CSMD1: variants seen among roughly 807,000 people sequenced by gnomAD.
The protein encoded by CSMD1 is CUB and Sushi multiple domains 1.
A neutral mutation model predicts 417.5 loss-of-function variants in CSMD1; 213 were observed. The observed-to-expected ratio is 0.51, with a 90% confidence interval of 0.46 to 0.57. The LOEUF (loss-of-function observed/expected upper bound fraction) is 0.57, where lower values mean the gene tolerates loss of function less well. Among genes scored for constraint, CSMD1 ranks in the 20% least tolerant of loss-of-function variants. The pLI, the probability that CSMD1 is intolerant of heterozygous loss-of-function variation, is 0.00. For synonymous variants in CSMD1, 2,862 were observed against 1,736.8 expected (o/e 1.65, Z -16.11); for missense variants, 6,923 against 4,529.7 (o/e 1.53, Z -15.17).
intron 5 of CSMD1, among the ~76,000 whole-genome samples, chr8:3,852,322 C>T (rs1471937723): frequency 2.6e-5 from 4 of 151,972 alleles, no homozygotes; most frequent in Non-Finnish European, 5.9e-5. Context: ...TTGTAGGGAG[C>T]AAGGGAGAAT....
At chr8:4,874,631 T>A (rs987399963) in intron 1 of CSMD1, among the ~76,000 whole-genome samples, 1 of 151,866 alleles carries the variant, frequency 6.6e-6, no homozygotes, top group Non-Finnish European at 1.5e-5. Flanking sequence ...CCTCAGGTGA[T>A]CTACCCACCT....
At chr8:4,894,478 G>T (rs1473581459) in intron 1 of CSMD1, among the ~76,000 whole-genome samples, 2 of 151,184 alleles carry the variant, frequency 1.3e-5, no homozygotes, top group Non-Finnish European at 1.5e-5. Flanking sequence ...ACTTGAACCC[G>T]GGAGGCAGAG....
At chr8:3,461,795 C>A (rs537468598) in intron 12 of CSMD1, among the ~76,000 whole-genome samples, 3 of 152,300 alleles carry the variant, frequency 2.0e-5, no homozygotes, top group South Asian at 4.1e-4. Context: ...GACTCTCTTA[C>A]GTGTGATAGA....
intron 2 of CSMD1, among the ~76,000 whole-genome samples, chr8:4,503,515 C>A (rs1802365887): frequency 6.6e-6 from 1 of 152,152 alleles, no homozygotes; most frequent in Admixed American, 6.6e-5. Flanking sequence ...CAAGCACTCA[C>A]ACCTGAGACA....
chr8:4,228,038 C>T (rs1209924646), intron 3 of CSMD1, among the ~76,000 whole-genome samples: 2 of 152,064 alleles, frequency 1.3e-5, no homozygotes, highest in Non-Finnish European at 2.9e-5. Context: ...CATTAAATCC[C>T]ACACCAGGAA....
At chr8:4,283,313 T>C (rs1425076228) in intron 3 of CSMD1, among the ~76,000 whole-genome samples, 1 of 152,342 alleles carries the variant, frequency 6.6e-6, no homozygotes, top group South Asian at 2.1e-4. Flanking sequence ...TATTGATTTG[T>C]AGCTTCAGTT....
chr8:3,740,373 A>C (rs1796735234), intron 6 of CSMD1, among the ~76,000 whole-genome samples: 1 of 152,182 alleles, frequency 6.6e-6, no homozygotes, highest in African/African-American at 2.4e-5. Context: ...GGGCAGCACA[A>C]ATTTAAAGAA....
chr8:3,674,553 CTATG>C (rs1199540707), intron 7 of CSMD1, among the ~76,000 whole-genome samples: 1 of 151,898 alleles, frequency 6.6e-6, no homozygotes, highest in Non-Finnish European at 1.5e-5. Flanking sequence ...TAAATGCTTA[CTATG>C]TATCATGTAC....
chr8:3,035,843 T>C (rs1476450513), intron 50 of CSMD1, among the ~76,000 whole-genome samples: 1 of 152,244 alleles, frequency 6.6e-6, no homozygotes, highest in Non-Finnish European at 1.5e-5. Flanking sequence ...TCTTCTTTTT[T>C]ATTTTTAAGG....
intron 5 of CSMD1, among the ~76,000 whole-genome samples, chr8:3,946,318 C>T (rs1020168263): frequency 6.6e-6 from 1 of 152,058 alleles, no homozygotes; most frequent in African/African-American, 2.4e-5. Flanking sequence ...CTCTTCTTTA[C>T]GGAATTACCT....
intron 36 of CSMD1, among the ~76,000 whole-genome samples, chr8:3,183,590 T>A (rs533733596): frequency 6.9e-6 from 1 of 145,448 alleles, no homozygotes; most frequent in Non-Finnish European, 1.5e-5. Context: ...TATCTATCCC[T>A]GAAATATCGA....
chr8:4,800,943 T>C (rs972747980), intron 1 of CSMD1, among the ~76,000 whole-genome samples: 2 of 152,252 alleles, frequency 1.3e-5, no homozygotes, highest in African/African-American at 4.8e-5. Context: ...CTCCTGATTG[T>C]TATTTTTTAA....
chr8:3,595,622 AG>A (rs1216653663), intron 8 of CSMD1, among the ~76,000 whole-genome samples: 1 of 152,196 alleles, frequency 6.6e-6, no homozygotes, highest in African/African-American at 2.4e-5. Flanking sequence ...AGCAACAGTA[AG>A]CTTGGAGTGA....
intron 2 of CSMD1, among the ~76,000 whole-genome samples, chr8:4,489,104 G>A (rs896274934): frequency 6.6e-6 from 1 of 152,114 alleles, no homozygotes; most frequent in African/African-American, 2.4e-5. Flanking sequence ...TAGAGACGGG[G>A]TTTCACCATG....
At chr8:3,614,444 G>T (rs1461990945) in intron 8 of CSMD1, among the ~76,000 whole-genome samples, 1 of 152,064 alleles carries the variant, frequency 6.6e-6, no homozygotes, top group African/African-American at 2.4e-5. Context: ...GAATGAAATG[G>T]AGTAAAGATT....
chr8:3,044,336 A>G (rs1811297796), intron 50 of CSMD1, among the ~76,000 whole-genome samples: 1 of 151,614 alleles, frequency 6.6e-6, no homozygotes, highest in African/African-American at 2.4e-5. Context: ...TTTGTGACCT[A>G]CCACATTTAA....
intron 8 of CSMD1, among the ~76,000 whole-genome samples, chr8:3,607,013 C>T (rs565937819): frequency 3.9e-5 from 6 of 152,106 alleles, no homozygotes; most frequent in Admixed American, 6.6e-5. Context: ...CCTGGCCTAC[C>T]GTGTTACAGT....
At position 3,797,569 on chromosome 8, in the gene CSMD1, T is replaced by C. The variant is rs143002450; in HGVS notation, c.819-43527A>G. ...TTGGATTCTGTCTCACAATATAATA[T>C]TTTCAAGATTCACAAATGTTTTATG... On this transcript the variant is annotated intron_variant, in intron 5 of 69. Coordinates refer to ENST00000635120, the MANE Select transcript of CSMD1 (RefSeq NM_033225.6). Among the ~76,000 whole-genome samples, 298 of 152,066 alleles carry C rather than the reference T, an allele frequency of 2.0e-3. 2 individuals are homozygous for C. The highest frequency in any genetic ancestry group is 6.6e-3 in the African/African-American group (275 of 41,560).
chr8:4,812,764 T>A (rs1193292021), intron 1 of CSMD1, among the ~76,000 whole-genome samples: 1 of 152,196 alleles, frequency 6.6e-6, no homozygotes, highest in Non-Finnish European at 1.5e-5. Context: ...AGACCTTGAG[T>A]TTGTGTTCTC....
Sources: gnomAD v4.1 joint callset for allele counts (sites outside exome capture counted in the v4.1 genomes callset) on GRCh38, gnomAD v4.1.1 for gene constraint, MANE v1.5 for transcripts, NCBI Gene and HGNC (gene_info 2026-07-23, HGNC 2026-07-21) for gene names.